Variants in DACH1 observed in about 807,000 individuals in gnomAD.
DACH1 encodes the protein dachshund homolog 1.
A neutral mutation model predicts 54.2 loss-of-function variants in DACH1; 12 were observed. The ratio of observed to expected loss-of-function variants is 0.22; its 90% CI spans 0.14 to 0.36. The LOEUF (loss-of-function observed/expected upper bound fraction) is 0.36. Ranked by LOEUF, DACH1 falls within the 10% of genes least tolerant of loss-of-function variation. The probability of loss-of-function intolerance (pLI) is 1.00; values close to 1 mark genes in which losing one functional copy is unlikely to be tolerated. For synonymous variants in DACH1, 386 were observed against 366.2 expected (o/e 1.05, Z -0.62); for missense variants, 805 against 929.8 (o/e 0.87, Z 1.75).
chr13:71,529,821 C>T (rs763260037), intron 6 of DACH1, among the ~76,000 whole-genome samples: 1 of 151,918 alleles, frequency 6.6e-6, no homozygotes, highest in Admixed American at 6.6e-5. Flanking sequence ...AAGATAAGAT[C>T]CAAAGTAACT....
Position 71,775,127 on chromosome 13 carries a change from CTTTT to C in DACH1, c.848+90791_848+90794del, listed in dbSNP as rs767902341. Among the ~76,000 whole-genome samples the C allele has an allele frequency of 3.9e-3, 213 of 53,994 alleles. 2 individuals are homozygous for C. Among genetic ancestry groups the C allele is most frequent in the Admixed American group, 8.9e-3 (30 of 3,354 alleles). 35.4% of individuals were successfully genotyped at this position (53,994 alleles called of 152,430 possible). ...GAGCAAGACTCCATCTCAACACAAGCTTTTTTTTTTTTTTTTTTTTTTTTTTTTT... is the reference window on the plus strand; with the variant it reads ...GAGCAAGACTCCATCTCAACACAAGCTTTTTTTTTTTTTTTTTTTTTTTTT... On this transcript the variant is annotated intron_variant, in intron 1 of 10. Transcript: ENST00000613252.
intron 6 of DACH1, among the ~76,000 whole-genome samples, chr13:71,511,328 G>A (rs1451933044): frequency 1.3e-5 from 2 of 151,958 alleles, no homozygotes; most frequent in Admixed American, 1.3e-4. Flanking sequence ...AAACTGAAAT[G>A]AGGAAGAAGT....
At chr13:71,664,537 G>A (rs909725417) in intron 2 of DACH1, among the ~76,000 whole-genome samples, 4 of 151,912 alleles carry the variant, frequency 2.6e-5, no homozygotes, top group Non-Finnish European at 4.4e-5. Context: ...ATGCAAGGGG[G>A]GAATGATACT....
At chr13:71,768,841 A>G (rs1885740767) in intron 1 of DACH1, among the ~76,000 whole-genome samples, 1 of 151,904 alleles carries the variant, frequency 6.6e-6, no homozygotes, top group African/African-American at 2.4e-5. Context: ...ATTAAAAACA[A>G]TCCACCACTG....
At chr13:71,743,146 C>T (rs1397969514) in intron 1 of DACH1, among the ~76,000 whole-genome samples, 1 of 152,108 alleles carries the variant, frequency 6.6e-6, no homozygotes, top group Non-Finnish European at 1.5e-5. Flanking sequence ...GTATAATACA[C>T]TTAACTCACT....
intron 3 of DACH1, chr13:71,573,706 G>A: frequency 2.2e-6 from 1 of 446,252 alleles, no homozygotes; most frequent in Non-Finnish European, 4.0e-6. Context: ...AATAAGCCGA[G>A]GTAAGTAAAT....
intron 4 of DACH1, among the ~76,000 whole-genome samples, chr13:71,568,503 C>A (rs568214107): frequency 9.2e-5 from 14 of 152,054 alleles, no homozygotes; most frequent in African/African-American, 3.4e-4. Flanking sequence ...ACACTATAGG[C>A]ACTAAAACAG....
intron 3 of DACH1, among the ~76,000 whole-genome samples, chr13:71,576,991 C>T (rs1177173822): frequency 6.6e-6 from 1 of 152,132 alleles, no homozygotes; most frequent in Non-Finnish European, 1.5e-5. Context: ...GTGGTAAAGG[C>T]CTAAATCTAA....
chr13:71,479,430 C>A, intron 7 of DACH1, 114 bp from the exon 8 acceptor site: 1 of 975,348 alleles, frequency 1.0e-6, no homozygotes, highest in Non-Finnish European at 1.5e-6. Flanking sequence ...CTAATTCTTT[C>A]GCATTCACTC....
intron 6 of DACH1, among the ~76,000 whole-genome samples, chr13:71,519,920 TAGCAC>T (rs1478149844): frequency 3.4e-4 from 48 of 140,548 alleles, no homozygotes; most frequent in East Asian, 6.4e-4. Context: ...CTAACTAACA[TAGCAC>T]ATATATTGTG....
rs752332437 is a variant in DACH1, at chr13:71,657,992, A to G, written c.964+23803T>C. Among the ~76,000 whole-genome samples the G allele has an allele frequency of 1.2e-4, 19 of 152,332 alleles. 1 individual carries two copies. Among genetic ancestry groups the G allele is most frequent in the Admixed American group, 2.6e-4 (4 of 15,304 alleles). Reference sequence around the variant, plus strand: ...CTTTGATATCCAGTTTTAAAAGAAGAAAAACTAACTTCTATTAAATACCTT... The same window carrying G: ...CTTTGATATCCAGTTTTAAAAGAAGGAAAACTAACTTCTATTAAATACCTT... On this transcript the variant is annotated intron_variant, in intron 2 of 10. Transcript: ENST00000613252.
At chr13:71,835,442 G>T (rs1421174772) in intron 1 of DACH1, among the ~76,000 whole-genome samples, 1 of 151,946 alleles carries the variant, frequency 6.6e-6, no homozygotes, top group Non-Finnish European at 1.5e-5. Context: ...AACAACAAGG[G>T]TAAGAATCCT....
chr13:71,616,031 A>G lies in DACH1; in HGVS notation c.1126+14525T>C, dbSNP rs1875736233. 2.6e-5 allele frequency among the ~76,000 whole-genome samples: 4 copies of G among 152,174 alleles called. No homozygotes were observed. In the South Asian group the frequency reaches 8.3e-4, roughly 31 times the overall value. On this transcript the variant is annotated intron_variant, in intron 3 of 10. Coordinates refer to ENST00000613252, the MANE Select transcript of DACH1 (RefSeq NM_080759.6). ...CTGAGATTCATAGAGGCTAAGTAAG[A>G]AGGCAAAAATGTCCTAACAATGGCA...
intron 1 of DACH1, among the ~76,000 whole-genome samples, chr13:71,743,252 A>G (rs187801331): frequency 8.6e-4 from 131 of 152,276 alleles, no homozygotes; most frequent in African/African-American, 2.9e-3. Context: ...TGTGAACCCC[A>G]AAGCAGAACA....
At chr13:71,744,982 C>T (rs1029887236) in intron 1 of DACH1, among the ~76,000 whole-genome samples, 4 of 151,944 alleles carry the variant, frequency 2.6e-5, no homozygotes, top group Admixed American at 2.0e-4. Flanking sequence ...TATTCTTTTA[C>T]CTTTTGCAAA....
intron 1 of DACH1, among the ~76,000 whole-genome samples, chr13:71,779,031 C>T (rs570645730): frequency 6.6e-6 from 1 of 150,754 alleles, no homozygotes; most frequent in Non-Finnish European, 1.5e-5. Flanking sequence ...TCTGTCATAC[C>T]TAAGTCAAAC....
chr13:71,604,307 A>T (rs1874722465), intron 3 of DACH1, among the ~76,000 whole-genome samples: 1 of 151,996 alleles, frequency 6.6e-6, no homozygotes, highest in Non-Finnish European at 1.5e-5. Context: ...TAAACATCAA[A>T]TCAAGTGATT....
intron 2 of DACH1, among the ~76,000 whole-genome samples, chr13:71,648,085 C>T (rs922026441): frequency 2.5e-4 from 38 of 152,172 alleles, no homozygotes; most frequent in African/African-American, 9.2e-4. Context: ...AGTTTCCTTT[C>T]TTGTCTCTAG....
At chr13:71,622,599 C>T (rs544437702) in intron 3 of DACH1, among the ~76,000 whole-genome samples, 3 of 151,738 alleles carry the variant, frequency 2.0e-5, no homozygotes, top group South Asian at 2.1e-4. Flanking sequence ...ACAAACTTTA[C>T]GTAAACAGTA....
Sources: allele counts gnomAD v4.1 joint callset (sites outside exome capture counted in the v4.1 genomes callset), GRCh38; gene constraint gnomAD v4.1.1; transcripts MANE v1.5; gene names NCBI Gene and HGNC (gene_info 2026-07-23, HGNC 2026-07-21).